DSCAML1: variants seen among roughly 807,000 people sequenced by gnomAD.
DSCAML1 encodes the protein DS cell adhesion molecule like 1, also known as cell adhesion molecule DSCAML1.
DSCAML1 carries 38 observed loss-of-function variants against 200.5 expected under a neutral mutation model. That is an observed-to-expected ratio of 0.19 (90% confidence interval 0.15 to 0.25). The LOEUF (loss-of-function observed/expected upper bound fraction) is 0.25. Ranked by LOEUF, DSCAML1 falls within the 10% of genes least tolerant of loss-of-function variation. The pLI is 1.00. For synonymous variants in DSCAML1, 1,215 were observed against 1,165.0 expected (o/e 1.04, Z -0.87); for missense variants, 2,223 against 2,858.8 (o/e 0.78, Z 5.07).
intron 20 of DSCAML1, among the ~76,000 whole-genome samples, chr11:117,446,364 C>CAAAACAAAAACAAAAACA (rs537590853): frequency 6.6e-6 from 1 of 151,918 alleles, no homozygotes; most frequent in Non-Finnish European, 1.5e-5. Context: ...AACTCTGTCT[C>CAAAACAAAAACAAAAACA]AAAACAAAAA....
chr11:117,548,353 G>A (rs2050412948), intron 3 of DSCAML1, among the ~76,000 whole-genome samples: 1 of 152,250 alleles, frequency 6.6e-6, no homozygotes, highest in Non-Finnish European at 1.5e-5. Flanking sequence ...TCCAGAGCCA[G>A]ACTTTTGGTA....
intron 3 of DSCAML1, among the ~76,000 whole-genome samples, chr11:117,717,963 T>G (rs561650926): frequency 3.9e-5 from 6 of 152,320 alleles, no homozygotes; most frequent in African/African-American, 1.4e-4. Flanking sequence ...GGAGGAATCC[T>G]TGGCATTTAC....
chr11:117,733,090 A>G (rs1042137953), intron 3 of DSCAML1, among the ~76,000 whole-genome samples: 9 of 152,142 alleles, frequency 5.9e-5, no homozygotes, highest in African/African-American at 1.9e-4. Context: ...AGAGGAGGAC[A>G]GAGAGGGCCC....
intron 27 of DSCAML1, 51 bp from the exon 28 acceptor site, chr11:117,433,522 A>C (rs987866206): frequency 6.3e-7 from 1 of 1,595,498 alleles, no homozygotes; most frequent in Non-Finnish European, 8.6e-7. Flanking sequence ...AAGTTTGAAC[A>C]GGATGACAAT....
chr11:117,649,041 ATG>A (rs58257943), intron 3 of DSCAML1, among the ~76,000 whole-genome samples: 7,558 of 137,758 alleles, frequency 0.055, 340 homozygotes, highest in Middle Eastern at 0.083. Context: ...CTCCATATAT[ATG>A]TGTGTGTGTG....
intron 3 of DSCAML1, among the ~76,000 whole-genome samples, chr11:117,573,221 C>T (rs17120893): frequency 0.036 from 5,472 of 152,270 alleles, 140 homozygotes; most frequent in African/African-American, 0.075. Flanking sequence ...ACGCAGAGTA[C>T]GCTGGCCGTA....
intron 11 of DSCAML1, among the ~76,000 whole-genome samples, chr11:117,501,773 G>A (rs17092713): frequency 0.038 from 5,854 of 152,180 alleles, 154 homozygotes; most frequent in East Asian, 0.11. Flanking sequence ...GCGGGATGAC[G>A]TGACCCCGAG....
intron 1 of DSCAML1, among the ~76,000 whole-genome samples, chr11:117,810,932 TC>T (rs1169111965): frequency 2.6e-5 from 4 of 152,054 alleles, no homozygotes; most frequent in African/African-American, 9.7e-5. Flanking sequence ...TTTCTAATCT[TC>T]CTTTTCTACA....
At chr11:117,471,803 G>GCAAGCTCATTGCCAGTGAACAGGATCT in intron 15 of DSCAML1, 66 bp downstream of exon 15, 1 of 1,226,132 alleles carries the variant, frequency 8.2e-7, no homozygotes. Context: ...GAACAGGATC[G>GCAAGCTCATTGCCAGTGAACAGGATCT]CTGTAGGCCC....
At chr11:117,649,513 C>T (rs1591361739) in intron 3 of DSCAML1, among the ~76,000 whole-genome samples, 2 of 152,130 alleles carry the variant, frequency 1.3e-5, no homozygotes, top group Non-Finnish European at 1.5e-5. Flanking sequence ...CTTTGACTCT[C>T]CCATCTCCCT....
At chr11:117,453,746 CTT>C (rs138176049) in intron 19 of DSCAML1, among the ~76,000 whole-genome samples, 7 of 138,152 alleles carry the variant, frequency 5.1e-5, no homozygotes, top group Admixed American at 1.5e-4. Context: ...TTCTTTCTTT[CTT>C]TTTTTTTTTT....
chr11:117,800,492 A>G (rs2055647388), upstream of DSCAML1, among the ~76,000 whole-genome samples: 1 of 152,252 alleles, frequency 6.6e-6, no homozygotes, highest in Admixed American at 6.5e-5. Flanking sequence ...ACACCTAATG[A>G]CAGGCACACC....
intron 3 of DSCAML1, among the ~76,000 whole-genome samples, chr11:117,721,931 T>C (rs1215283002): frequency 6.6e-6 from 1 of 152,046 alleles, no homozygotes; most frequent in Non-Finnish European, 1.5e-5. Context: ...AATCATGATG[T>C]TTAAAATGTA....
intron 3 of DSCAML1, among the ~76,000 whole-genome samples, chr11:117,559,207 A>G (rs554903164): frequency 5.9e-5 from 9 of 152,286 alleles, no homozygotes; most frequent in Admixed American, 1.3e-4. Context: ...CCCAAACCCA[A>G]TGGAAAATGC....
chr11:117,523,173 T>G (rs1291369074), intron 5 of DSCAML1, among the ~76,000 whole-genome samples: 1 of 152,170 alleles, frequency 6.6e-6, no homozygotes, highest in Non-Finnish European at 1.5e-5. Context: ...TCCGCTTGCC[T>G]GCATACACTG....
chr11:117,769,519 T>TAA (rs2054995838), intron 3 of DSCAML1, among the ~76,000 whole-genome samples: 3 of 76,534 alleles, frequency 3.9e-5, no homozygotes, highest in East Asian at 5.3e-4. Flanking sequence ...TTTATATATA[T>TAA]TATATATATT....
chr11:117,731,340 C>G (rs1372527408), intron 3 of DSCAML1, among the ~76,000 whole-genome samples: 1 of 152,170 alleles, frequency 6.6e-6, no homozygotes, highest in South Asian at 2.1e-4. Context: ...CTTTCCCACA[C>G]CCCAAGGTCC....
At chr11:117,801,430 CAGA>C (rs1207758858), upstream of DSCAML1, 5 of 152,252 alleles carry the variant, frequency 3.3e-5, no homozygotes, top group African/African-American at 1.2e-4. Flanking sequence ...GGCAGAGAAA[CAGA>C]AGCTTTTATG....
intron 3 of DSCAML1, among the ~76,000 whole-genome samples, chr11:117,576,556 T>C (rs1019828209): frequency 2.0e-5 from 3 of 152,234 alleles, no homozygotes; most frequent in Non-Finnish European, 4.4e-5. Context: ...AGAATGAAGA[T>C]ACTGAGCTTG....
Sources: allele counts gnomAD v4.1 joint callset (sites outside exome capture counted in the v4.1 genomes callset), GRCh38; gene constraint gnomAD v4.1.1; transcripts MANE v1.5; gene names NCBI Gene and HGNC (gene_info 2026-07-23, HGNC 2026-07-21).